Variants in FAM227B observed in about 807,000 individuals in gnomAD.
FAM227B encodes family with sequence similarity 227 member B, also known as protein FAM227B.
FAM227B carries 88 observed loss-of-function variants against 73.8 expected under a neutral mutation model. The ratio of observed to expected loss-of-function variants is 1.19; its 90% CI spans 1.00 to 1.42. FAM227B has a LOEUF of 1.42. FAM227B is among the 40% of genes most tolerant of loss of function. The probability of loss-of-function intolerance (pLI) is 0.00; values close to 1 mark genes in which losing one functional copy is unlikely to be tolerated. For synonymous variants in FAM227B, 210 were observed against 190.5 expected, an observed-to-expected ratio of 1.10 and a Z score of -0.84; for missense variants, 632 against 590.9, an observed-to-expected ratio of 1.07 and a Z score of -0.72.
intron 9 of FAM227B, among the ~76,000 whole-genome samples, chr15:49,550,624 C>T (rs1049917716): frequency 6.5e-4 from 99 of 151,588 alleles, no homozygotes; most frequent in Non-Finnish European, 1.0e-3. Flanking sequence ...CGGGTAGAGG[C>T]GCTCCTCACA....
At position 49,588,061 on chromosome 15, in the gene FAM227B, T is replaced by G. The variant is rs759204502; in HGVS notation, c.360A>C (p.Arg120=). Residue 120 remains arginine (R), a synonymous_variant, in exon 5 of 16, where the codon CGA becomes CGC. Transcript: ENST00000299338. ...GGTACTTCTTTAGAAATTCCCCATA[T>G]CGTTCCAATTTTCTATAAGAACCTT... ...SETSSYRKLE[R]YGEFLKKYHK... 7.0e-6 allele frequency: 10 copies of G among 1,425,652 alleles called. No homozygotes were observed. In the Admixed American group the frequency reaches 2.2e-4, roughly 32 times the overall value. 88.3% of individuals were successfully genotyped at this position (1,425,652 alleles called of 1,614,324 possible).
intron 11 of FAM227B, among the ~76,000 whole-genome samples, chr15:49,466,586 C>T (rs562021559): frequency 3.3e-5 from 5 of 152,158 alleles, no homozygotes; most frequent in African/African-American, 4.8e-5. Context: ...TAACATATAT[C>T]TTATGAATAC....
chr15:49,538,155 G>A (rs2070532623), intron 10 of FAM227B, among the ~76,000 whole-genome samples: 1 of 152,192 alleles, frequency 6.6e-6, no homozygotes, highest in Non-Finnish European at 1.5e-5. Flanking sequence ...TTGCAAGCCA[G>A]GAGAGAGTTT....
At chr15:49,406,350 A>G (rs1490859983) in intron 11 of FAM227B, among the ~76,000 whole-genome samples, 1 of 152,130 alleles carries the variant, frequency 6.6e-6, no homozygotes, top group African/African-American at 2.4e-5. Flanking sequence ...TGGCAGAGGC[A>G]ATATGGCTCC....
At chr15:49,581,596 C>T (rs765557274) in intron 5 of FAM227B, among the ~76,000 whole-genome samples, 25 of 152,018 alleles carry the variant, frequency 1.6e-4, no homozygotes, top group African/African-American at 2.9e-4. Flanking sequence ...GGATTACAGG[C>T]GTGAGCCACC....
chr15:49,570,948 A>G (rs1275533856), intron 8 of FAM227B, among the ~76,000 whole-genome samples: 5 of 148,566 alleles, frequency 3.4e-5, no homozygotes, highest in African/African-American at 1.2e-4. Flanking sequence ...ATATATAATT[A>G]TATACCAAAT....
At chr15:49,541,290 T>C (rs755701166) in intron 10 of FAM227B, among the ~76,000 whole-genome samples, 13 of 152,132 alleles carry the variant, frequency 8.5e-5, no homozygotes, top group Non-Finnish European at 1.8e-4. Flanking sequence ...TTGATTAATG[T>C]TCTCTGAGAA....
chr15:49,586,276 C>T (rs2076157268), intron 5 of FAM227B, among the ~76,000 whole-genome samples: 2 of 152,074 alleles, frequency 1.3e-5, no homozygotes, highest in Admixed American at 6.6e-5. Context: ...CTGACAAAAA[C>T]CAGCAATGGG....
chr15:49,416,201 C>T, intron 11 of FAM227B, among the ~76,000 whole-genome samples: 1 of 138,398 alleles, frequency 7.2e-6, no homozygotes, highest in Non-Finnish European at 1.5e-5. Flanking sequence ...GGAATGCATG[C>T]TCTGTTAGGG....
chr15:49,436,851 G>A (rs2051152368), intron 11 of FAM227B, among the ~76,000 whole-genome samples: 1 of 151,530 alleles, frequency 6.6e-6, no homozygotes, highest in Non-Finnish European at 1.5e-5. Flanking sequence ...GGGATAATTT[G>A]CATCTGAAGA....
intron 11 of FAM227B, among the ~76,000 whole-genome samples, chr15:49,466,557 A>G (rs1243781254): frequency 3.9e-5 from 6 of 152,162 alleles, no homozygotes; most frequent in Non-Finnish European, 7.4e-5. Context: ...AAACTTTTGA[A>G]GCAGAAGAGT....
intron 9 of FAM227B, among the ~76,000 whole-genome samples, chr15:49,546,372 C>T (rs375464036): frequency 0.046 from 6,943 of 152,182 alleles, 226 homozygotes; most frequent in Middle Eastern, 0.071. Flanking sequence ...TGGACATTTA[C>T]GTTGGTTCCA....
At chr15:49,483,110 C>A in intron 11 of FAM227B, 1 of 1,126,886 alleles carries the variant, frequency 8.9e-7, no homozygotes, top group Non-Finnish European at 1.3e-6. Flanking sequence ...ATTTGCAAAA[C>A]TGAACGAATA....
intron 1 of FAM227B, among the ~76,000 whole-genome samples, chr15:49,615,591 C>A (rs562687321): frequency 6.6e-6 from 1 of 152,308 alleles, no homozygotes; most frequent in East Asian, 1.9e-4. Flanking sequence ...TCCCCTTCAC[C>A]TTCTGCCATG....
chr15:49,335,847 T>C (rs1371700778), intron 13 of FAM227B, among the ~76,000 whole-genome samples: 1 of 152,212 alleles, frequency 6.6e-6, no homozygotes, highest in Non-Finnish European at 1.5e-5. Flanking sequence ...CCAAAATTCA[T>C]TTTTTTCTTA....
chr15:49,382,131 G>A (rs2046576256), intron 11 of FAM227B, among the ~76,000 whole-genome samples: 1 of 151,840 alleles, frequency 6.6e-6, no homozygotes, highest in African/African-American at 2.4e-5. Flanking sequence ...GGGGAACAGG[G>A]CAAACTTATT....
At chr15:49,329,487 C>T (rs1278112192) in intron 15 of FAM227B, 1 of 985,052 alleles carries the variant, frequency 1.0e-6, no homozygotes, top group African/African-American at 1.7e-5. Flanking sequence ...TTGGGCATCA[C>T]CATCTAGAAT....
intron 3 of FAM227B, among the ~76,000 whole-genome samples, chr15:49,604,423 T>A (rs578066506): frequency 3.4e-4 from 52 of 152,306 alleles, no homozygotes; most frequent in African/African-American, 1.2e-3. Context: ...AATCTGCTTA[T>A]AATCTTATAA....
At chr15:49,361,949 G>C (rs1412489264) in intron 13 of FAM227B, among the ~76,000 whole-genome samples, 1 of 152,148 alleles carries the variant, frequency 6.6e-6, no homozygotes, top group African/African-American at 2.4e-5. Context: ...TAACTGGTCT[G>C]AGATGGTATC....
Sources: gnomAD v4.1 joint callset for allele counts (sites outside exome capture counted in the v4.1 genomes callset) on GRCh38, gnomAD v4.1.1 for gene constraint, MANE v1.5 for transcripts, NCBI Gene and HGNC (gene_info 2026-07-23, HGNC 2026-07-21) for gene names.